VSIG2: variants seen among roughly 807,000 people sequenced by gnomAD.
VSIG2 encodes the protein V-set and immunoglobulin domain containing 2, also known as V-set and immunoglobulin domain-containing protein 2.
VSIG2 carries 30 observed loss-of-function variants against 29.4 expected under a neutral mutation model. The ratio of observed to expected loss-of-function variants is 1.02; its 90% confidence interval spans 0.76 to 1.38. VSIG2 has a LOEUF of 1.38. Among genes scored for constraint, VSIG2 ranks in the 40% most tolerant of loss-of-function variants. VSIG2 has a pLI of 0.00. For synonymous variants in VSIG2, 178 were observed against 174.2 expected (o/e 1.02, Z -0.17); for missense variants, 421 against 400.8 (o/e 1.05, Z -0.43).
chr11:124,747,586 C>T lies in VSIG2; in HGVS notation c.933G>A (p.Ser311=), dbSNP rs931174330. Residue 311 remains serine, a synonymous_variant, in exon 7 of 7, where the codon TCG becomes TCA. Transcript: ENST00000326621. ...TGGTGGTCGTCACGGTGCTGGCAGA[C>T]GAGGGTCTTTCCAGGAACCCCTTGC... ...DSSKGFLERP[S]SASTVTTTKS... 6.2e-6 allele frequency: 10 copies of T among 1,613,652 alleles called. No homozygotes were observed. The highest frequency in any genetic ancestry group is 2.2e-5 in the South Asian group (2 of 91,056).
intron 1 of VSIG2, among the ~76,000 whole-genome samples, chr11:124,751,809 C>T (rs1364850273): frequency 6.6e-6 from 1 of 152,220 alleles, no homozygotes. Context: ...GTGTGTTTAG[C>T]AGAGAAAGGA....
intron 6 of VSIG2, 65 bp downstream of exon 6, chr11:124,748,325 G>A: frequency 6.6e-7 from 1 of 1,504,762 alleles, no homozygotes. Flanking sequence ...GAGGGTTGCA[G>A]GCACCCGCTT....
intron 3 of VSIG2, among the ~76,000 whole-genome samples, chr11:124,750,290 A>G (rs190218302): frequency 1.3e-5 from 2 of 152,266 alleles, no homozygotes; most frequent in East Asian, 3.9e-4. Flanking sequence ...AAAAGGCTCT[A>G]GTTTGGGGTG....
rs144025516 is a variant in VSIG2 at position 124,748,820 on chromosome 11, G to A, written c.587-57C>T. On this transcript the variant is annotated intron_variant, in intron 4 of 6. Coordinates refer to ENST00000326621, the MANE Select transcript of VSIG2 (RefSeq NM_014312.5). Reference sequence around the variant, plus strand: ...CATTCAACTCAGTGAGCAGCTCTACGAGGACAGCACATTTCATGTCATCCT... The same window carrying A: ...CATTCAACTCAGTGAGCAGCTCTACAAGGACAGCACATTTCATGTCATCCT... 7.4e-6 allele frequency: 12 copies of A among 1,613,002 alleles called. No homozygotes were observed. In the East Asian group the frequency reaches 1.6e-4, roughly 21 times the overall value.
chr11:124,750,611 G>T, intron 3 of VSIG2, 103 bp downstream of exon 3: 1 of 1,307,100 alleles, frequency 7.7e-7, no homozygotes, highest in Non-Finnish European at 1.1e-6. Flanking sequence ...GTGCAGTTGT[G>T]TGCTTGGGCT....
chr11:124,749,194 C>T (rs1361655428), intron 4 of VSIG2, among the ~76,000 whole-genome samples: 1 of 152,178 alleles, frequency 6.6e-6, no homozygotes, highest in Non-Finnish European at 1.5e-5. Flanking sequence ...AGGCAGAGCA[C>T]ATACCAGGAA....
At chr11:124,751,667 C>G in intron 1 of VSIG2, 87 bp from the exon 2 acceptor site, 1 of 1,377,604 alleles carries the variant, frequency 7.3e-7, no homozygotes, top group Non-Finnish European at 9.6e-7. Flanking sequence ...ATATTGGAAG[C>G]TGGGGGCTCC....
At position 124,750,870 on chromosome 11, in the gene VSIG2, G is replaced by A. The variant is rs144644469; in HGVS notation, c.271C>T (p.Arg91Trp). The change falls in exon 3 of 7, where the codon CGG (arginine) becomes TGG (tryptophan). Residue 91 changes from arginine to tryptophan, a missense_variant. By Grantham distance (101) the Arg-to-Trp change is moderately radical. Coordinates refer to ENST00000326621, the MANE Select transcript of VSIG2 (RefSeq NM_014312.5). ...GGGGGGTTCTGAAGCAGGCTGACCC[G>A]CTTTGACTTAGAACCAGTTGGATAC... Reference protein sequence around the residue: ...HLYPTGSKSKRVSLLQNPPTV... With the variant: ...HLYPTGSKSKWVSLLQNPPTV... The A allele has an allele frequency of 1.5e-4, 241 of 1,613,990 alleles. 1 individual carries two copies. The highest frequency in any genetic ancestry group is 2.2e-4 in the South Asian group (20 of 91,074).
chr11:124,750,491 T>C (rs1944071917), intron 3 of VSIG2, among the ~76,000 whole-genome samples: 1 of 151,420 alleles, frequency 6.6e-6, no homozygotes, highest in South Asian at 2.1e-4. Flanking sequence ...TCTCACACAC[T>C]CTGTTATTAG....
In VSIG2 at chr11:124,749,782, C is replaced by T. The variant is rs1263897434; in HGVS notation, c.512G>A (p.Gly171Glu). The T allele has an allele frequency of 1.2e-6, 2 of 1,612,974 alleles. No homozygotes were observed. Among genetic ancestry groups the T allele is most frequent in the Admixed American group, 1.7e-5 (1 of 59,922 alleles). ...STALRCSSSE[G>E]APKPVYNWVR... ...CCAGTTGTACACTGGCTTAGGAGCC[C>T]CCTCGGAAGAGCTGCATCTCAGTGC... The change falls in exon 4 of 7, where the codon GGG becomes GAG. Residue 171 changes from glycine (G) to glutamate (E), a missense_variant. Physicochemically the swap from Gly to Glu is moderately conservative, Grantham distance 98 (BLOSUM62 -2). Coordinates refer to ENST00000326621, the MANE Select transcript of VSIG2 (RefSeq NM_014312.5).
Position 124,748,626 on chromosome 11 carries a change from T to C in VSIG2, c.706+18A>G. The C allele has an allele frequency of 6.2e-7, 1 of 1,609,962 alleles. No individual in the cohort carries two copies. The highest frequency in any genetic ancestry group is 8.5e-7 in the Non-Finnish European group (1 of 1,177,520). On this transcript the variant is annotated intron_variant, in intron 5 of 6. Coordinates refer to ENST00000326621, the MANE Select transcript of VSIG2 (RefSeq NM_014312.5). The stretch of plus-strand genomic sequence containing the variant: ...CCAACACAAGGCTGCTGGCCTGGCC[T>C]CCACCCAGCATCCCTACCGGTCACA...
Position 124,748,685 on chromosome 11 carries a change from T to C in VSIG2, c.665A>G (p.Gln222Arg). ...SGTYRCVATN[Q>R]MGSASCELTL... ...CAGCTCACAGGATGCACTGCCCATC[T>C]GGTTGGTGGCCACACAGCGGTAGGT... is the stretch of plus-strand genomic sequence containing the variant. Residue 222 changes from glutamine (Q) to arginine (R), a missense_variant, in exon 5 of 7, where the codon CAG becomes CGG. Transcript: ENST00000326621. 1 of 1,614,130 alleles carries C rather than the reference T, an allele frequency of 6.2e-7. No individual in the cohort carries two copies. Among genetic ancestry groups the C allele is most frequent in the Non-Finnish European group, 8.5e-7 (1 of 1,180,006 alleles).
intron 1 of VSIG2, 26 bp from the exon 2 acceptor site, chr11:124,751,606 G>A: frequency 6.4e-7 from 1 of 1,553,124 alleles, no homozygotes; most frequent in Non-Finnish European, 8.7e-7. Flanking sequence ...AGAGGGAGGT[G>A]GGAACCCAAA....
In VSIG2 at chr11:124,748,404, C is replaced by G. The variant is rs771447262; in HGVS notation, c.837G>C (p.Gly279=). Residue 279 remains glycine, a synonymous_variant, in exon 6 of 7, where the codon GGG becomes GGC. Coordinates refer to ENST00000326621, the MANE Select transcript of VSIG2 (RefSeq NM_014312.5). ...ERGKKPKETY[G]GSDLREDAIA... is the part of the protein sequence containing the mutation. ...CTCCTGCTCACCGAAGGTCACTACC[C>G]CCATATGTCTCCTTGGGCTTCTTCC... 60 of 1,613,090 alleles carry G rather than the reference C, an allele frequency of 3.7e-5. No homozygotes were observed. Among genetic ancestry groups the G allele is most frequent in the Non-Finnish European group, 4.8e-5 (57 of 1,179,520 alleles).
rs1944046633 is a variant in VSIG2, at chr11:124,748,734, T to G, written c.616A>C (p.Asn206His). ...GTGCCCGAGGAGGTCAGGGAGAGGT[T>G]GGTGAGAATGAGCTGGCCAGACACC... ...DEVSGQLILTNLSLTSSGTYR... is the reference protein window; with the variant it reads ...DEVSGQLILTHLSLTSSGTYR... Residue 206 changes from asparagine to histidine, a missense_variant, in exon 5 of 7, where the codon AAC (asparagine) becomes CAC (histidine). Transcript: ENST00000326621. The G allele has an allele frequency of 6.2e-7, 1 of 1,614,042 alleles. No homozygotes were observed. The highest frequency in any genetic ancestry group is 1.1e-5 in the South Asian group (1 of 91,088).
chr11:124,751,026 G>A (rs1944079275), intron 2 of VSIG2, 105 bp from the exon 3 acceptor site: 1 of 1,205,592 alleles, frequency 8.3e-7, no homozygotes, highest in Non-Finnish European at 1.2e-6. Context: ...ACTTACATCA[G>A]CCAGGGAGGC....
chr11:124,748,149 G>T, intron 6 of VSIG2: 1 of 521,354 alleles, frequency 1.9e-6, no homozygotes, highest in Non-Finnish European at 3.4e-6. Context: ...AGGAGGGGCA[G>T]GGCAGTCCTG....
chr11:124,751,679 TC>T, intron 1 of VSIG2, 99 bp from the exon 2 acceptor site: 1 of 1,281,116 alleles, frequency 7.8e-7, no homozygotes, highest in Non-Finnish European at 1.0e-6. Flanking sequence ...GGGGGCTCCC[TC>T]CCCAGAGCAC....
In VSIG2 at chr11:124,749,800, C is replaced by T; in HGVS notation, c.494G>A (p.Arg165Lys). Residue 165 changes from arginine (R) to lysine (K), a missense_variant, in exon 4 of 7, where the codon AGA becomes AAA. By Grantham distance (26) the Arg-to-Lys change is conservative (BLOSUM62 2). Transcript: ENST00000326621. Reference sequence around the variant, plus strand: ...AGGAGCCCCCTCGGAAGAGCTGCATCTCAGTGCAGTAGAGCCTCCCACAGA... The same window carrying T: ...AGGAGCCCCCTCGGAAGAGCTGCATTTCAGTGCAGTAGAGCCTCCCACAGA... ...QTSVGGSTALRCSSSEGAPKP... is the reference protein window; with the variant it reads ...QTSVGGSTALKCSSSEGAPKP... 6.3e-7 allele frequency: 1 copy of T among 1,598,004 alleles called. No homozygotes were observed. The highest frequency in any genetic ancestry group is 8.5e-7 in the Non-Finnish European group (1 of 1,171,728).
Sources: gnomAD v4.1 joint callset for allele counts (sites outside exome capture counted in the v4.1 genomes callset) on GRCh38, gnomAD v4.1.1 for gene constraint, MANE v1.5 for transcripts, NCBI Gene and HGNC (gene_info 2026-07-23, HGNC 2026-07-21) for gene names.